Variants in WDR41 observed in about 807,000 individuals in gnomAD.
WDR41 encodes the protein WD repeat-containing protein 41.
In WDR41, 63 loss-of-function variants were observed where a neutral mutation model predicts 69.3. That is an observed-to-expected ratio of 0.91 (90% CI 0.74 to 1.12). WDR41 has a LOEUF of 1.12. Ranked by LOEUF, WDR41 falls within the 50% of genes most tolerant of loss-of-function variation. The pLI, the probability that WDR41 is intolerant of heterozygous loss-of-function variation, is 0.00. For missense variants in WDR41, 543 were observed against 534.5 expected (o/e 1.02, Z -0.16); for synonymous variants, 185 against 192.1 (o/e 0.96, Z 0.31).
At chr5:77,533,475 C>T (rs1742903105) in intron 1 of WDR41, among the ~76,000 whole-genome samples, 1 of 152,042 alleles carries the variant, frequency 6.6e-6, no homozygotes, top group Admixed American at 6.6e-5. Flanking sequence ...AACACATATA[C>T]AAAGATACGT....
At chr5:77,597,996 G>T (rs773123747) in intron 1 of WDR41, among the ~76,000 whole-genome samples, 2 of 152,082 alleles carry the variant, frequency 1.3e-5, no homozygotes, top group Non-Finnish European at 2.9e-5. Context: ...AATGAAATTG[G>T]GCAGTGACTT....
At chr5:77,604,289 C>T (rs1744375192) in intron 1 of WDR41, among the ~76,000 whole-genome samples, 1 of 152,150 alleles carries the variant, frequency 6.6e-6, no homozygotes, top group Non-Finnish European at 1.5e-5. Context: ...AGGTCTTTCA[C>T]CTCCTTGGTT....
At position 77,449,783 on chromosome 5, in the gene WDR41, A is replaced by ATAT. The variant is rs773171759; in HGVS notation, c.671_673dup (p.Asn224dup). The ATAT allele has an allele frequency of 1.9e-6, 3 of 1,612,028 alleles. No individual in the cohort carries two copies. In the South Asian group the frequency reaches 3.3e-5, roughly 18 times the overall value. On this transcript the variant is annotated inframe_insertion, in exon 8 of 13. Coordinates refer to ENST00000296679, the MANE Select transcript of WDR41 (RefSeq NM_018268.4). ...ACCATTGACATTAATCAATGAGAGA[A>ATAT]TATTATCCTGGTGATCAAGGAGGCG...
chr5:77,541,539 C>T lies in WDR41; in HGVS notation c.43-51967G>A, dbSNP rs561716732. ...ATGGAGTCTTGCTCTGTTGCCCAGG[C>T]TAGAGTGCAGTGGCGCGATCTTGGC... On this transcript the variant is annotated intron_variant, in intron 1 of 5. Coordinates refer to the WDR41 transcript ENST00000509971. Among the ~76,000 whole-genome samples the T allele has an allele frequency of 2.3e-5, 3 of 132,892 alleles. No homozygotes were observed. In the South Asian group the frequency reaches 7.0e-4, roughly 31 times the overall value. The allele number at this position is 132,892 out of a possible 152,430, so 87.2% of individuals were successfully genotyped here.
At chr5:77,552,242 G>C (rs912528816) in intron 1 of WDR41, among the ~76,000 whole-genome samples, 2 of 151,720 alleles carry the variant, frequency 1.3e-5, no homozygotes, top group Non-Finnish European at 2.9e-5. Flanking sequence ...ATCAATTATA[G>C]TAACAGTGAA....
intron 1 of WDR41, among the ~76,000 whole-genome samples, chr5:77,618,529 T>A (rs1744720095): frequency 6.6e-6 from 1 of 152,086 alleles, no homozygotes; most frequent in Non-Finnish European, 1.5e-5. Flanking sequence ...CACACCACCA[T>A]GCCTGGCTAA....
chr5:77,614,288 A>G (rs1744628825), intron 1 of WDR41, among the ~76,000 whole-genome samples: 1 of 151,594 alleles, frequency 6.6e-6, no homozygotes, highest in South Asian at 2.1e-4. Context: ...CAGCCATCCC[A>G]TTACTGGGTA....
intron 9 of WDR41, among the ~76,000 whole-genome samples, chr5:77,438,895 A>G (rs1435960614): frequency 6.6e-6 from 1 of 152,224 alleles, no homozygotes; most frequent in African/African-American, 2.4e-5. Context: ...CAAATGTACT[A>G]TTAGAAATAA....
At chr5:77,496,481 A>G (rs1295366059), upstream of WDR41, among the ~76,000 whole-genome samples, 1 of 152,106 alleles carries the variant, frequency 6.6e-6, no homozygotes, top group African/African-American at 2.4e-5. Flanking sequence ...TGAACAATCC[A>G]AAAAGAAAAC....
intron 1 of WDR41, among the ~76,000 whole-genome samples, chr5:77,555,645 G>T (rs1382343171): frequency 6.6e-6 from 1 of 152,056 alleles, no homozygotes; most frequent in African/African-American, 2.4e-5. Flanking sequence ...AATTACAACA[G>T]CATCCGAAAA....
rs1057233037 is a variant in WDR41, at chr5:77,491,940, G to A, written c.51+230C>T. On this transcript the variant is annotated intron_variant, in intron 1 of 12. Coordinates refer to ENST00000296679, the MANE Select transcript of WDR41 (RefSeq NM_018268.4). Reference sequence around the variant, plus strand: ...ACGATTCAGCTAGCCGTGGGACGGGGCCGGGGGTCTGCAGCTCCAGGGTGC... The same window carrying A: ...ACGATTCAGCTAGCCGTGGGACGGGACCGGGGGTCTGCAGCTCCAGGGTGC... The A allele has an allele frequency of 1.1e-5, 6 of 542,230 alleles. No individual in the cohort carries two copies. In the Admixed American group the frequency reaches 1.4e-4, roughly 13 times the overall value. 33.6% of individuals were successfully genotyped at this position (542,230 alleles called of 1,614,324 possible). A position where few individuals can be genotyped will look rare whatever the true frequency, so the allele number is the denominator to read the frequency against.
Position 77,605,113 on chromosome 5 carries a change from T to A in WDR41, c.42+15366A>T, listed in dbSNP as rs151315799. 5.0e-3 allele frequency among the ~76,000 whole-genome samples: 763 copies of A among 152,248 alleles called. 10 individuals are homozygous for A. The highest frequency in any genetic ancestry group is 0.017 in the African/African-American group (725 of 41,528). ...ATTCTACCCTCTCCAAATTGTTGAG[T>A]CAACTTTTACCTCCTAATGAGCTGC... On this transcript the variant is annotated intron_variant, in intron 1 of 5. Transcript: ENST00000509971.
rs183965311 is a variant in WDR41, at chr5:77,541,199, A to G, written c.43-51627T>C. Among the ~76,000 whole-genome samples the G allele has an allele frequency of 1.5e-3, 231 of 152,306 alleles. 3 individuals carry two copies. The highest frequency in any genetic ancestry group is 5.3e-3 in the African/African-American group (222 of 41,576). On this transcript the variant is annotated intron_variant, in intron 1 of 5. Coordinates refer to the WDR41 transcript ENST00000509971. ...AAATGGGAGAAAATTTTTGCAATCT[A>G]TCCATCTGACAAAGGTCTAATATGC...
chr5:77,483,563 TTA>T (rs1801383846), intron 2 of WDR41, among the ~76,000 whole-genome samples: 1 of 151,776 alleles, frequency 6.6e-6, no homozygotes, highest in African/African-American at 2.4e-5. Flanking sequence ...TTTTCGCTCA[TTA>T]ACCTGTCTTT....
intron 1 of WDR41, among the ~76,000 whole-genome samples, chr5:77,546,814 T>C (rs1308341162): frequency 6.6e-6 from 1 of 151,928 alleles, no homozygotes; most frequent in Non-Finnish European, 1.5e-5. Flanking sequence ...GGAAAGGACA[T>C]AACCAAAAGT....
intron 1 of WDR41, among the ~76,000 whole-genome samples, chr5:77,594,337 C>T (rs1032074879): frequency 4.6e-5 from 7 of 151,292 alleles, no homozygotes; most frequent in Non-Finnish European, 8.8e-5. Context: ...ATGGGTGCAG[C>T]ACACCAACAT....
intron 1 of WDR41, among the ~76,000 whole-genome samples, chr5:77,524,162 G>A (rs933162611): frequency 1.3e-5 from 2 of 152,298 alleles, no homozygotes; most frequent in Non-Finnish European, 2.9e-5. Flanking sequence ...CTTTACTGAG[G>A]TGTAGTTAAC....
At chr5:77,548,833 G>A (rs137957504) in intron 1 of WDR41, among the ~76,000 whole-genome samples, 1 of 152,296 alleles carries the variant, frequency 6.6e-6, no homozygotes, top group African/African-American at 2.4e-5. Context: ...GCACATGCAT[G>A]TCTATAGCAG....
chr5:77,464,459 C>T (rs1008547065), intron 3 of WDR41, among the ~76,000 whole-genome samples: 1 of 151,658 alleles, frequency 6.6e-6, no homozygotes. Flanking sequence ...GTTGGCCAAG[C>T]TGTTCTCAAA....
Sources: allele counts gnomAD v4.1 joint callset (sites outside exome capture counted in the v4.1 genomes callset), GRCh38; gene constraint gnomAD v4.1.1; transcripts MANE v1.5; gene names NCBI Gene and HGNC (gene_info 2026-07-23, HGNC 2026-07-21).